Variants in FOXP1 observed in about 807,000 individuals in gnomAD.
FOXP1 encodes forkhead box P1.
FOXP1 carries 15 observed loss-of-function variants against 98.2 expected under a neutral mutation model. That is an observed-to-expected ratio of 0.15 (90% confidence interval 0.10 to 0.24). The LOEUF (loss-of-function observed/expected upper bound fraction) is 0.24, where lower values mean the gene tolerates loss of function less well. Among genes scored for constraint, FOXP1 ranks in the 10% least tolerant of loss-of-function variants. FOXP1 has a pLI of 1.00. For missense variants in FOXP1, 633 were observed against 848.5 expected, an observed-to-expected ratio of 0.75 and a Z score of 3.15; for synonymous variants, 371 against 314.5, an observed-to-expected ratio of 1.18 and a Z score of -1.90.
chr3:71,168,247 A>G (rs1169316123), intron 6 of FOXP1, among the ~76,000 whole-genome samples: 5 of 152,156 alleles, frequency 3.3e-5, no homozygotes, highest in Non-Finnish European at 7.3e-5. Context: ...TGATGTATGC[A>G]TTAATCTGAC....
intron 2 of FOXP1, among the ~76,000 whole-genome samples, chr3:71,515,481 G>A (rs942771000): frequency 6.2e-5 from 9 of 144,272 alleles, no homozygotes; most frequent in African/African-American, 2.1e-4. Flanking sequence ...TGAGCTCGCC[G>A]CAAGTCATTG....
Position 71,366,219 on chromosome 3 carries a change from A to C in FOXP1, c.-167-6975T>G, listed in dbSNP as rs142119354. 3.7e-3 allele frequency among the ~76,000 whole-genome samples: 560 copies of C among 152,286 alleles called. 6 individuals carry two copies. Among genetic ancestry groups the C allele is most frequent in the African/African-American group, 0.013 (534 of 41,556 alleles). ...TTTTTTTAAATCTCAGTTCCCCATTAATGTTTTATTATAACAGTTAAGTGT... is the reference window on the plus strand; with the variant it reads ...TTTTTTTAAATCTCAGTTCCCCATTCATGTTTTATTATAACAGTTAAGTGT... On this transcript the variant is annotated intron_variant, in intron 3 of 20. Coordinates refer to ENST00000649528, the MANE Select transcript of FOXP1 (RefSeq NM_001349338.3).
chr3:71,511,252 CTG>C (rs1330858413), intron 2 of FOXP1, among the ~76,000 whole-genome samples: 2 of 152,110 alleles, frequency 1.3e-5, no homozygotes, highest in African/African-American at 2.4e-5. Context: ...CTTGGCCAGA[CTG>C]TGAAAATAAG....
At chr3:71,131,865 A>G (rs1408034824) in intron 6 of FOXP1, among the ~76,000 whole-genome samples, 1 of 152,264 alleles carries the variant, frequency 6.6e-6, no homozygotes, top group African/African-American at 2.4e-5. Flanking sequence ...GGCAGATCAT[A>G]GAAACAGAAG....
At chr3:71,550,184 G>A (rs2045668088) in intron 2 of FOXP1, among the ~76,000 whole-genome samples, 1 of 152,126 alleles carries the variant, frequency 6.6e-6, no homozygotes, top group Admixed American at 6.6e-5. Context: ...GGGAGAGGAG[G>A]AAGCCTGTGG....
chr3:71,177,846 T>TTA (rs2062035032), intron 6 of FOXP1, among the ~76,000 whole-genome samples: 1 of 145,300 alleles, frequency 6.9e-6, no homozygotes, highest in Admixed American at 6.8e-5. Flanking sequence ...CTTTCTTTTT[T>TTA]TTTTTTTTTT....
intron 5 of FOXP1, among the ~76,000 whole-genome samples, chr3:71,288,835 G>A (rs1177393360): frequency 6.6e-6 from 1 of 152,150 alleles, no homozygotes; most frequent in Non-Finnish European, 1.5e-5. Context: ...AACCATGTAA[G>A]TTCAGCCAGC....
chr3:70,974,187 G>A (rs1235776474), intron 17 of FOXP1, among the ~76,000 whole-genome samples: 1 of 152,064 alleles, frequency 6.6e-6, no homozygotes, highest in African/African-American at 2.4e-5. Flanking sequence ...AAAGTTGGAA[G>A]AAGGATTTGC....
intron 6 of FOXP1, among the ~76,000 whole-genome samples, chr3:71,124,655 G>GA (rs201365799): frequency 0.34 from 48,706 of 141,836 alleles, 8,287 homozygotes; most frequent in East Asian, 0.56. Flanking sequence ...AAAAAAAAAA[G>GA]AAAAAAAAAA....
intron 2 of FOXP1, among the ~76,000 whole-genome samples, chr3:71,518,016 G>T (rs1333294500): frequency 6.6e-6 from 1 of 152,146 alleles, no homozygotes; most frequent in African/African-American, 2.4e-5. Context: ...TGGTCCAATG[G>T]AACATTAGAG....
At chr3:71,582,534 C>G (rs1263038328) in intron 1 of FOXP1, 8 of 985,434 alleles carry the variant, frequency 8.1e-6, no homozygotes, top group Admixed American at 1.2e-4. Flanking sequence ...AGGACAGGGC[C>G]GGAGGGACGA....
chr3:71,391,359 T>A (rs2081016603), intron 3 of FOXP1, among the ~76,000 whole-genome samples: 1 of 152,222 alleles, frequency 6.6e-6, no homozygotes, highest in African/African-American at 2.4e-5. Context: ...AAAGACTGCC[T>A]TTCTTTCCAA....
chr3:70,957,597 TATAA>T lies in FOXP1; in HGVS notation c.*1646_*1649del, dbSNP rs2032130761. ...CGAACTAAAAAAAACTACAGTCCTA[TATAA>T]ATAAATGACAGGAAAGTGGGTGCAG... is the stretch of plus-strand genomic sequence containing the variant. On this transcript the variant is annotated 3_prime_UTR_variant, in exon 21 of 21. Transcript: ENST00000649528. 4.3e-6 allele frequency: 1 copy of T among 232,730 alleles called. No homozygotes were observed. Among genetic ancestry groups the T allele is most frequent in the South Asian group, 1.8e-4 (1 of 5,516 alleles). 14.4% of individuals were successfully genotyped at this position (232,730 alleles called of 1,614,324 possible).
intron 3 of FOXP1, among the ~76,000 whole-genome samples, chr3:71,470,121 C>T (rs2089188273): frequency 6.6e-6 from 1 of 151,954 alleles, no homozygotes; most frequent in African/African-American, 2.4e-5. Flanking sequence ...AATTTTGAGT[C>T]TCTAGCTCCT....
intron 3 of FOXP1, among the ~76,000 whole-genome samples, chr3:71,482,996 C>G (rs190631803): frequency 2.6e-5 from 4 of 151,766 alleles, no homozygotes; most frequent in Admixed American, 1.3e-4. Flanking sequence ...CTACCACATC[C>G]GGCTAATTTT....
At chr3:71,528,668 A>G (rs1426976153) in intron 2 of FOXP1, among the ~76,000 whole-genome samples, 1 of 152,220 alleles carries the variant, frequency 6.6e-6, no homozygotes, top group African/African-American at 2.4e-5. Context: ...ACTTGGATAA[A>G]CAAAATTAAT....
At chr3:71,151,660 ATT>A (rs71104420) in intron 6 of FOXP1, among the ~76,000 whole-genome samples, 3,388 of 140,094 alleles carry the variant, frequency 0.024, 142 homozygotes, top group African/African-American at 0.086. Context: ...TGTCTAAAAC[ATT>A]TTTTTTTTTT....
chr3:71,581,671 T>G lies in FOXP1; in HGVS notation c.-420A>C, dbSNP rs2048180790. ...GCCCGCTCGCTCGCTCGCCGCGCGC[T>G]CTCTTCCTCTTACAAACTTTCGGGT... On this transcript the variant is annotated 5_prime_UTR_variant, in exon 2 of 21. Transcript: ENST00000649528. 1.0e-6 allele frequency: 1 copy of G among 985,592 alleles called. No individual in the cohort carries two copies. The highest frequency in any genetic ancestry group is 6.1e-5 in the Admixed American group (1 of 16,270). 61.1% of individuals were successfully genotyped at this position (985,592 alleles called of 1,614,324 possible). A position where few individuals can be genotyped will look rare whatever the true frequency, so the allele number is the denominator to read the frequency against.
At chr3:71,136,527 A>C (rs1233987053) in intron 6 of FOXP1, among the ~76,000 whole-genome samples, 2 of 152,374 alleles carry the variant, frequency 1.3e-5, no homozygotes, top group African/African-American at 4.8e-5. Context: ...TAAATGACTC[A>C]TAAGAATAGA....
Sources: allele counts gnomAD v4.1 joint callset (sites outside exome capture counted in the v4.1 genomes callset), GRCh38; gene constraint gnomAD v4.1.1; transcripts MANE v1.5; gene names NCBI Gene and HGNC (gene_info 2026-07-23, HGNC 2026-07-21).